COL24A1: variants seen among roughly 807,000 people sequenced by gnomAD.
COL24A1 encodes the protein collagen alpha-1(XXIV) chain.
A neutral mutation model predicts 253.9 loss-of-function variants in COL24A1; 224 were observed. The observed-to-expected ratio is 0.88, with a 90% CI of 0.79 to 0.99. The LOEUF is 0.99. Among genes scored for constraint, COL24A1 ranks in the 50% least tolerant of loss-of-function variants. The pLI is 0.00. For missense variants in COL24A1, 2,131 were observed against 2,068.5 expected (o/e 1.03, Z -0.59); for synonymous variants, 685 against 673.7 (o/e 1.02, Z -0.26).
intron 24 of COL24A1, among the ~76,000 whole-genome samples, chr1:85,922,567 C>A (rs1436286470): frequency 6.6e-6 from 1 of 152,174 alleles, no homozygotes; most frequent in East Asian, 1.9e-4. Flanking sequence ...TCCAGCCAAA[C>A]TAAGCTTCAT....
chr1:85,936,700 T>C (rs1357341395), intron 24 of COL24A1, among the ~76,000 whole-genome samples: 3 of 147,064 alleles, frequency 2.0e-5, no homozygotes, highest in Admixed American at 6.8e-5. Context: ...CCACATGACC[T>C]GGCAGACCCT....
intron 43 of COL24A1, among the ~76,000 whole-genome samples, chr1:85,829,974 G>A (rs938347055): frequency 1.5e-4 from 23 of 151,982 alleles, no homozygotes; most frequent in African/African-American, 3.9e-4. Flanking sequence ...GAGGAACTGC[G>A]TTCCTTTGGA....
At chr1:85,799,287 A>G (rs1671174540) in intron 47 of COL24A1, among the ~76,000 whole-genome samples, 1 of 150,348 alleles carries the variant, frequency 6.7e-6, no homozygotes, top group South Asian at 2.1e-4. Context: ...AGGCAGTTGC[A>G]TAATGCTAAA....
At chr1:86,094,448 C>T (rs970561911) in intron 5 of COL24A1, among the ~76,000 whole-genome samples, 2 of 151,672 alleles carry the variant, frequency 1.3e-5, no homozygotes, top group African/African-American at 4.8e-5. Flanking sequence ...ATGATGAGAA[C>T]ACATGGACAC....
intron 11 of COL24A1, among the ~76,000 whole-genome samples, chr1:86,049,227 T>G (rs1266471861): frequency 6.6e-6 from 1 of 152,248 alleles, no homozygotes; most frequent in Non-Finnish European, 1.5e-5. Context: ...CTAGACATTT[T>G]GATTGTCATT....
Position 85,737,460 on chromosome 1 carries a change from A to G in COL24A1, c.4718T>C (p.Ile1573Thr), listed in dbSNP as rs2100842361. Reference protein sequence around the residue: ...DPNLGCPSDAIEVFCNFSAGG... With the variant: ...DPNLGCPSDATEVFCNFSAGG... ...AGCACTGAAATTGCAGAAAACCTCA[A>G]TGGCATCTGAAGGACAGCCAAGATT... Residue 1573 changes from isoleucine to threonine, a missense_variant, in exon 58 of 60, where the codon ATT becomes ACT. Coordinates refer to ENST00000370571, the MANE Select transcript of COL24A1 (RefSeq NM_152890.7). The G allele has an allele frequency of 6.2e-7, 1 of 1,613,176 alleles. No homozygotes were observed. Among genetic ancestry groups the G allele is most frequent in the Non-Finnish European group, 8.5e-7 (1 of 1,179,400 alleles).
intron 55 of COL24A1, among the ~76,000 whole-genome samples, chr1:85,746,771 G>A (rs774848335): frequency 1.4e-4 from 22 of 152,156 alleles, no homozygotes; most frequent in Non-Finnish European, 2.9e-4. Context: ...GACAGAAGGA[G>A]CATGGACTAT....
intron 55 of COL24A1, among the ~76,000 whole-genome samples, chr1:85,754,848 A>C (rs1666048110): frequency 2.0e-5 from 3 of 152,112 alleles, no homozygotes. Context: ...TGTCAAGCTT[A>C]TCAACATATG....
At position 85,981,558 on chromosome 1, in the gene COL24A1, GA is replaced by G. The variant is rs1368220452; in HGVS notation, c.2364+6042del. 5.3e-5 allele frequency among the ~76,000 whole-genome samples: 8 copies of G among 151,854 alleles called. No homozygotes were observed. The South Asian group carries it at 1.0e-3, about 20-fold the overall frequency. On this transcript the variant is annotated intron_variant, in intron 20 of 59. Coordinates refer to ENST00000370571, the MANE Select transcript of COL24A1 (RefSeq NM_152890.7). ...CATAATATTCTAGAAGATAACACTG[GA>G]AAAAAATCTTCTAGACACAGGCTTA...
At chr1:86,023,778 A>G (rs2101377580) in intron 14 of COL24A1, among the ~76,000 whole-genome samples, 1 of 152,228 alleles carries the variant, frequency 6.6e-6, no homozygotes, top group East Asian at 1.9e-4. Flanking sequence ...AGGGTATGAA[A>G]GAAAAATTTG....
chr1:85,881,855 T>A (rs1006210335), intron 32 of COL24A1, among the ~76,000 whole-genome samples: 13 of 152,160 alleles, frequency 8.5e-5, no homozygotes, highest in African/African-American at 2.9e-4. Flanking sequence ...TCTGCTGATT[T>A]TTATTACTTA....
intron 24 of COL24A1, among the ~76,000 whole-genome samples, chr1:85,922,041 T>A (rs529266785): frequency 6.6e-6 from 1 of 152,110 alleles, no homozygotes; most frequent in South Asian, 2.1e-4. Flanking sequence ...CAATAGCTGA[T>A]TCGATCTAGT....
At chr1:86,110,668 G>A (rs1705470424) in intron 5 of COL24A1, among the ~76,000 whole-genome samples, 1 of 152,138 alleles carries the variant, frequency 6.6e-6, no homozygotes, top group Non-Finnish European at 1.5e-5. Context: ...CCCGGGCAGT[G>A]AGGGGCTTAG....
chr1:86,112,968 A>G (rs1705757594), intron 4 of COL24A1, among the ~76,000 whole-genome samples: 1 of 152,174 alleles, frequency 6.6e-6, no homozygotes, highest in Non-Finnish European at 1.5e-5. Flanking sequence ...TAAATACTTT[A>G]TTGCTGTTCT....
At chr1:86,048,085 A>C (rs1024175593) in intron 11 of COL24A1, among the ~76,000 whole-genome samples, 1 of 152,170 alleles carries the variant, frequency 6.6e-6, no homozygotes, top group Admixed American at 6.6e-5. Flanking sequence ...TTTTTAAAAA[A>C]ATAGAATAAT....
chr1:86,057,836 G>T, intron 10 of COL24A1, 95 bp downstream of exon 10: 2 of 1,050,624 alleles, frequency 1.9e-6, no homozygotes, highest in Non-Finnish European at 2.8e-6. Flanking sequence ...TAAATTCAAA[G>T]CTACTAAGAG....
chr1:85,941,876 A>G (rs1430250390), intron 24 of COL24A1, among the ~76,000 whole-genome samples: 1 of 152,056 alleles, frequency 6.6e-6, no homozygotes, highest in African/African-American at 2.4e-5. Context: ...TGTGATGTTC[A>G]TCTCAATGCT....
At chr1:86,107,757 G>T (rs985487182) in intron 5 of COL24A1, among the ~76,000 whole-genome samples, 1 of 151,740 alleles carries the variant, frequency 6.6e-6, no homozygotes, top group Non-Finnish European at 1.5e-5. Flanking sequence ...GGATGGTCTC[G>T]ATCTCCTGAC....
chr1:85,990,261 C>T (rs1380876007), intron 19 of COL24A1, among the ~76,000 whole-genome samples: 1 of 152,204 alleles, frequency 6.6e-6, no homozygotes, highest in Non-Finnish European at 1.5e-5. Flanking sequence ...TGTCCATCCT[C>T]CAGATAAGCC....
Sources: gnomAD v4.1 joint callset for allele counts (sites outside exome capture counted in the v4.1 genomes callset) on GRCh38, gnomAD v4.1.1 for gene constraint, MANE v1.5 for transcripts, NCBI Gene and HGNC (gene_info 2026-07-23, HGNC 2026-07-21) for gene names.